Variants in TACR1 observed in about 807,000 individuals in gnomAD.
TACR1 encodes the protein substance-P receptor.
Under a neutral mutation model 35.8 loss-of-function variants are expected in TACR1, and 25 were observed. That is an observed-to-expected ratio of 0.70 (90% CI 0.51 to 0.98). The LOEUF is 0.98. TACR1 is among the 50% of genes least tolerant of loss of function. The probability of loss-of-function intolerance (pLI) is 0.00; values close to 1 mark genes in which losing one functional copy is unlikely to be tolerated. For missense variants in TACR1, 478 were observed against 522.9 expected, an observed-to-expected ratio of 0.91 and a Z score of 0.84; for synonymous variants, 195 against 206.7, an observed-to-expected ratio of 0.94 and a Z score of 0.48.
chr2:75,104,364 T>C (rs1673599776), intron 2 of TACR1, among the ~76,000 whole-genome samples: 1 of 152,042 alleles, frequency 6.6e-6, no homozygotes, highest in Non-Finnish European at 1.5e-5. Flanking sequence ...TGTAAATATA[T>C]ATGCACCCAA....
chr2:75,078,984 C>T (rs72918515), intron 2 of TACR1, among the ~76,000 whole-genome samples: 1,877 of 152,224 alleles, frequency 0.012, 32 homozygotes, highest in African/African-American at 0.042. Context: ...TAAACATACA[C>T]TCTGGCAAAC....
intron 1 of TACR1, among the ~76,000 whole-genome samples, chr2:75,129,869 C>T (rs1161741021): frequency 1.3e-5 from 2 of 152,096 alleles, no homozygotes; most frequent in African/African-American, 4.8e-5. Context: ...AGCAGAGGCA[C>T]TTGGGGCCAA....
chr2:75,101,123 C>T (rs1012754738), intron 2 of TACR1, among the ~76,000 whole-genome samples: 7 of 151,238 alleles, frequency 4.6e-5, no homozygotes, highest in Admixed American at 1.3e-4. Flanking sequence ...GTTGATTATT[C>T]ACTGAGAATA....
intron 2 of TACR1, chr2:75,118,684 AC>A (rs1172872822): frequency 6.6e-6 from 1 of 152,234 alleles, no homozygotes; most frequent in African/African-American, 2.4e-5. Context: ...AGATTAAAGA[AC>A]TATGAGTATT....
In TACR1 at chr2:75,199,268, C is replaced by G. The variant is rs902020574; in HGVS notation, c.-334G>C. On this transcript the variant is annotated 5_prime_UTR_variant, in exon 1 of 5. Coordinates refer to ENST00000305249, the MANE Select transcript of TACR1 (RefSeq NM_001058.4). ...GTCACAGTTCTAGGAAGCAAGAGAT[C>G]CCCCGCATTTATGCACCTGCTGCTG... The G allele has an allele frequency of 3.8e-6, 1 of 263,694 alleles. No homozygotes were observed. Among genetic ancestry groups the G allele is most frequent in the Admixed American group, 4.7e-5 (1 of 21,178 alleles). 16.3% of individuals were successfully genotyped at this position (263,694 alleles called of 1,614,324 possible).
intron 1 of TACR1, among the ~76,000 whole-genome samples, chr2:75,192,255 A>T (rs1386692977): frequency 7.1e-6 from 1 of 140,326 alleles, no homozygotes; most frequent in Non-Finnish European, 1.5e-5. Flanking sequence ...AACCAGGGAC[A>T]GTTAACCAGA....
At chr2:75,113,045 C>G (rs1250126785) in intron 2 of TACR1, among the ~76,000 whole-genome samples, 1 of 152,132 alleles carries the variant, frequency 6.6e-6, no homozygotes, top group East Asian at 1.9e-4. Context: ...CCATATTGTT[C>G]TGTGCTCTTG....
Position 75,049,159 on chromosome 2 carries a change from G to A in TACR1, c.*273C>T. 2.3e-6 allele frequency: 1 copy of A among 438,514 alleles called. No homozygotes were observed. Among genetic ancestry groups the A allele is most frequent in the Non-Finnish European group, 4.1e-6 (1 of 245,956 alleles). The allele number at this position is 438,514 out of a possible 1,614,324, so 27.2% of individuals were successfully genotyped here. A position where few individuals can be genotyped will look rare whatever the true frequency, so the allele number is the denominator to read the frequency against. On this transcript the variant is annotated 3_prime_UTR_variant, in exon 5 of 5. Transcript: ENST00000305249. ...AGTCACTTCCAGAATGGAATGAATG[G>A]GCTTTTGGGAAAAGCTGGTCCGACC...
chr2:75,094,243 A>C (rs1254187997), intron 2 of TACR1, among the ~76,000 whole-genome samples: 4 of 152,228 alleles, frequency 2.6e-5, no homozygotes, highest in Non-Finnish European at 4.4e-5. Flanking sequence ...GAGTTAAAGC[A>C]TTGTTCCAGG....
At chr2:75,125,419 A>T (rs1674053468) in intron 1 of TACR1, among the ~76,000 whole-genome samples, 1 of 151,966 alleles carries the variant, frequency 6.6e-6, no homozygotes, top group Non-Finnish European at 1.5e-5. Flanking sequence ...CTCCTAACTT[A>T]AGTGATTCAC....
At chr2:75,125,689 C>T (rs1674058761) in intron 1 of TACR1, among the ~76,000 whole-genome samples, 2 of 152,110 alleles carry the variant, frequency 1.3e-5, no homozygotes, top group Non-Finnish European at 1.5e-5. Context: ...ACCTTTATTC[C>T]TCCCAGTCTC....
chr2:75,060,829 GGAT>G (rs1038828287), intron 2 of TACR1, among the ~76,000 whole-genome samples: 6 of 152,140 alleles, frequency 3.9e-5, no homozygotes, highest in Non-Finnish European at 8.8e-5. Context: ...CAGGATGGAT[GGAT>G]GATATGAGGG....
At chr2:75,067,129 A>C (rs1672778393) in intron 2 of TACR1, among the ~76,000 whole-genome samples, 1 of 152,158 alleles carries the variant, frequency 6.6e-6, no homozygotes. Context: ...GAGGTTAGCT[A>C]AGACAGGGAC....
chr2:75,070,104 A>C lies in TACR1; in HGVS notation c.585-16349T>G, dbSNP rs544633934. ...CCTTTATATCAGTATGGACTCATGA[A>C]ATTTATTATATATTTGGCATTATAA... On this transcript the variant is annotated intron_variant, in intron 2 of 4. Coordinates refer to ENST00000305249, the MANE Select transcript of TACR1 (RefSeq NM_001058.4). Among the ~76,000 whole-genome samples, 150 of 152,196 alleles carry C rather than the reference A, an allele frequency of 9.9e-4. 1 individual carries two copies. The highest frequency in any genetic ancestry group is 6.8e-3 in the Middle Eastern group (2 of 294).
At chr2:75,107,739 A>G (rs1673676875) in intron 2 of TACR1, among the ~76,000 whole-genome samples, 1 of 152,024 alleles carries the variant, frequency 6.6e-6, no homozygotes, top group African/African-American at 2.4e-5. Context: ...TTATTGGTAG[A>G]TGTTTTCACT....
intron 2 of TACR1, among the ~76,000 whole-genome samples, chr2:75,093,509 G>A (rs776414277): frequency 1.4e-4 from 22 of 152,128 alleles, no homozygotes; most frequent in South Asian, 2.1e-4. Context: ...CTAATGAAAC[G>A]TTATGGGTGA....
intron 2 of TACR1, among the ~76,000 whole-genome samples, chr2:75,063,731 TCTC>T (rs1435764478): frequency 1.3e-5 from 2 of 152,180 alleles, no homozygotes; most frequent in African/African-American, 4.8e-5. Context: ...GCAGTACAAA[TCTC>T]CTCTTATTTC....
intron 1 of TACR1, among the ~76,000 whole-genome samples, chr2:75,132,669 T>G (rs566552637): frequency 6.6e-6 from 1 of 152,320 alleles, no homozygotes; most frequent in African/African-American, 2.4e-5. Context: ...CTGCTTATTT[T>G]CTTTGGAACT....
At chr2:75,130,999 A>G (rs1218241229) in intron 1 of TACR1, among the ~76,000 whole-genome samples, 1 of 152,222 alleles carries the variant, frequency 6.6e-6, no homozygotes, top group Admixed American at 6.5e-5. Context: ...TATCAGAAGA[A>G]TTTGGCAAAT....
Sources: gnomAD v4.1 joint callset for allele counts (sites outside exome capture counted in the v4.1 genomes callset) on GRCh38, gnomAD v4.1.1 for gene constraint, MANE v1.5 for transcripts, NCBI Gene and HGNC (gene_info 2026-07-23, HGNC 2026-07-21) for gene names.